ERMP1: variants seen among roughly 807,000 people sequenced by gnomAD.
The protein encoded by ERMP1 is Felix-ina.
In ERMP1, 86 loss-of-function variants were observed where a neutral mutation model predicts 92.0. The observed-to-expected ratio is 0.93, with a 90% CI of 0.79 to 1.12. The LOEUF is 1.12. ERMP1 is among the 50% of genes most tolerant of loss of function. ERMP1 has a pLI of 0.00. For synonymous variants in ERMP1, 530 were observed against 412.8 expected (o/e 1.28, Z -3.44); for missense variants, 1,342 against 1,116.3 (o/e 1.20, Z -2.88).
At chr9:5,839,998 T>G (rs1830141927) in intron 6 of ERMP1, among the ~76,000 whole-genome samples, 3 of 152,052 alleles carry the variant, frequency 2.0e-5, no homozygotes, top group Non-Finnish European at 4.4e-5. Flanking sequence ...TCTCAGCACT[T>G]TGGGAGGCTG....
chr9:5,818,119 C>T (rs540421612), intron 4 of ERMP1, among the ~76,000 whole-genome samples: 47 of 150,254 alleles, frequency 3.1e-4, no homozygotes, highest in Non-Finnish European at 6.3e-4. Context: ...ATGATTGCAT[C>T]ACTGCATTCC....
At chr9:5,799,667 T>C (rs1338531896) in intron 11 of ERMP1, among the ~76,000 whole-genome samples, 13 of 152,244 alleles carry the variant, frequency 8.5e-5, no homozygotes, top group Non-Finnish European at 1.8e-4. Context: ...CTGTTGCTGC[T>C]TTCGCTCTGT....
intron 4 of ERMP1, among the ~76,000 whole-genome samples, chr9:5,821,480 A>G (rs778285504): frequency 3.9e-5 from 6 of 152,220 alleles, no homozygotes; most frequent in Non-Finnish European, 8.8e-5. Flanking sequence ...TAAAAAGAGT[A>G]AGGACTCTGG....
At chr9:5,850,056 A>G (rs1381833123) in intron 6 of ERMP1, among the ~76,000 whole-genome samples, 1 of 152,204 alleles carries the variant, frequency 6.6e-6, no homozygotes, top group Non-Finnish European at 1.5e-5. Flanking sequence ...TGTTTAAGGA[A>G]TAGGCCCAAA....
chr9:5,785,090 G>A lies in ERMP1; in HGVS notation c.*2054C>T, dbSNP rs1361800638. ...AATGACCTCCCAGAATATTACACAA[G>A]CCCTGAGACTAGTGAGCATCTTACT... On this transcript the variant is annotated 3_prime_UTR_variant, in exon 15 of 15. Coordinates refer to ENST00000339450, the MANE Select transcript of ERMP1 (RefSeq NM_024896.3). 6.6e-6 allele frequency: 1 copy of A among 152,030 alleles called. No homozygotes were observed. The highest frequency in any genetic ancestry group is 2.4e-5 in the African/African-American group (1 of 41,376). 9.4% of individuals were successfully genotyped at this position (152,030 alleles called of 1,614,324 possible). A position where few individuals can be genotyped will look rare whatever the true frequency, so the allele number is the denominator to read the frequency against.
intron 13 of ERMP1, among the ~76,000 whole-genome samples, chr9:5,789,099 T>C (rs1201034224): frequency 6.6e-6 from 1 of 152,086 alleles, no homozygotes; most frequent in African/African-American, 2.4e-5. Context: ...AGAACTAATA[T>C]TTAAAACTGT....
chr9:5,791,905 T>C (rs1382840014), intron 13 of ERMP1, among the ~76,000 whole-genome samples: 1 of 152,194 alleles, frequency 6.6e-6, no homozygotes. Context: ...ATAATCGTGA[T>C]ACAAGATGGT....
At chr9:5,865,731 G>A (rs967418302) in intron 5 of ERMP1, among the ~76,000 whole-genome samples, 2 of 149,530 alleles carry the variant, frequency 1.3e-5, no homozygotes, top group Non-Finnish European at 3.0e-5. Flanking sequence ...CCAGCTACTC[G>A]GGAGGCTGAG....
At chr9:5,794,350 A>G (rs979302401) in intron 13 of ERMP1, among the ~76,000 whole-genome samples, 1 of 152,120 alleles carries the variant, frequency 6.6e-6, no homozygotes, top group African/African-American at 2.4e-5. Context: ...TTTAAAATCA[A>G]TAATCTAAGC....
At chr9:5,813,590 A>G (rs900377678) in intron 4 of ERMP1, among the ~76,000 whole-genome samples, 1 of 152,094 alleles carries the variant, frequency 6.6e-6, no homozygotes, top group Non-Finnish European at 1.5e-5. Flanking sequence ...TGCTCCAATG[A>G]ACATTTTTGA....
Position 5,838,430 on chromosome 9 carries a change from G to A in ERMP1, n.3200-5118C>T, listed in dbSNP as rs548694836. 2.4e-4 allele frequency among the ~76,000 whole-genome samples: 37 copies of A among 151,886 alleles called. No homozygotes were observed. The South Asian group carries it at 2.5e-3, about 10-fold the overall frequency. The stretch of plus-strand genomic sequence containing the variant: ...TGTGGTGGTGCATGTCTATACTCCC[G>A]TCTACTAGGGAGACTGAGGTGAGAG... On this transcript the variant is annotated intron_variant and non_coding_transcript_variant, in intron 6 of 6. Coordinates refer to the ERMP1 transcript ENST00000690753.
upstream of ERMP1, among the ~76,000 whole-genome samples, chr9:5,837,330 T>C (rs1314187728): frequency 6.6e-6 from 1 of 151,990 alleles, no homozygotes; most frequent in African/African-American, 2.4e-5. Flanking sequence ...TCATACCATA[T>C]TACACACACA....
At chr9:5,835,524 A>G (rs1830083202), upstream of ERMP1, among the ~76,000 whole-genome samples, 1 of 152,208 alleles carries the variant, frequency 6.6e-6, no homozygotes. Context: ...TGAAGTGAGG[A>G]ACAGGGCCAC....
intron 3 of ERMP1, among the ~76,000 whole-genome samples, chr9:5,824,422 T>C (rs527593616): frequency 6.6e-6 from 1 of 152,242 alleles, no homozygotes; most frequent in East Asian, 1.9e-4. Context: ...TGTTTGCTCA[T>C]TTTTGAAACA....
chr9:5,789,497 T>A (rs1828083169), intron 13 of ERMP1, among the ~76,000 whole-genome samples: 1 of 152,190 alleles, frequency 6.6e-6, no homozygotes, highest in South Asian at 2.1e-4. Context: ...TCAGAAACAG[T>A]CTAGAGAATA....
rs559155223 is a variant in ERMP1 at position 5,832,782 on chromosome 9, G to T, written c.246C>A (p.Ile82=). ...RAALGLALYL[I]ALRTLVQLSL... ...AGAGCTGCACCAGCGTCCGCAGCGC[G>T]ATCAGGTAGAGCGCGAGCCCCAGCG... is the stretch of plus-strand genomic sequence containing the variant. Residue 82 remains isoleucine (I), a synonymous_variant, in exon 1 of 15, where the codon ATC becomes ATA. Transcript: ENST00000339450. 68 of 1,500,364 alleles carry T rather than the reference G, an allele frequency of 4.5e-5. No individual in the cohort carries two copies. The highest frequency in any genetic ancestry group is 4.9e-5 in the Non-Finnish European group (55 of 1,133,006). The allele number at this position is 1,500,364 out of a possible 1,614,324, so 92.9% of individuals were successfully genotyped here.
intron 5 of ERMP1, among the ~76,000 whole-genome samples, chr9:5,863,849 C>A (rs1273255615): frequency 1.3e-5 from 2 of 152,120 alleles, no homozygotes; most frequent in African/African-American, 4.8e-5. Flanking sequence ...CATAATAATA[C>A]AGTATGGGCA....
chr9:5,845,616 C>T (rs1169460087), intron 6 of ERMP1, among the ~76,000 whole-genome samples: 1 of 152,178 alleles, frequency 6.6e-6, no homozygotes, highest in Non-Finnish European at 1.5e-5. Flanking sequence ...CCATTTGCTA[C>T]CAGTGTCTTT....
Position 5,813,011 on chromosome 9 carries a change from T to G in ERMP1, c.899A>C (p.Gln300Pro), listed in dbSNP as rs754322557. The change falls in exon 5 of 15, where the codon CAA (glutamine) becomes CCA (proline). Residue 300 changes from glutamine to proline, a missense_variant. By Grantham distance (76) the Gln-to-Pro change is moderately conservative. Transcript: ENST00000339450. ...GTGTTTAGCTGCTGAAACATAAGCT[T>G]GAACCAACCAAGGATTTTCAGGACC... ...QTGPENPWLV[Q>P]AYVSAAKHPF... is the part of the protein sequence containing the mutation. 1.9e-6 allele frequency: 3 copies of G among 1,614,022 alleles called. No individual in the cohort carries two copies. The South Asian group carries it at 3.3e-5, about 18-fold the overall frequency.
Sources: allele counts gnomAD v4.1 joint callset (sites outside exome capture counted in the v4.1 genomes callset), GRCh38; gene constraint gnomAD v4.1.1; transcripts MANE v1.5; gene names NCBI Gene and HGNC (gene_info 2026-07-23, HGNC 2026-07-21).